Variants in AKAP10 observed in about 807,000 individuals in gnomAD.
AKAP10 encodes the protein A-kinase anchoring protein 10.
In AKAP10, 24 loss-of-function variants were observed where a neutral mutation model predicts 80.8. The observed-to-expected ratio is 0.30, with a 90% CI of 0.22 to 0.42. The LOEUF is 0.42. Among genes scored for constraint, AKAP10 ranks in the 10% least tolerant of loss-of-function variants. The pLI is 1.00. For missense variants in AKAP10, 661 were observed against 794.9 expected, an observed-to-expected ratio of 0.83 and a Z score of 2.03; for synonymous variants, 291 against 277.7, an observed-to-expected ratio of 1.05 and a Z score of -0.48.
chr17:19,938,368 C>T (rs1490551220), intron 8 of AKAP10, among the ~76,000 whole-genome samples: 1 of 152,006 alleles, frequency 6.6e-6, no homozygotes, highest in East Asian at 1.9e-4. Flanking sequence ...TCCTGAGTAG[C>T]TGGGATTACA....
At chr17:19,953,159 A>G (rs2043234869) in intron 4 of AKAP10, among the ~76,000 whole-genome samples, 3 of 152,154 alleles carry the variant, frequency 2.0e-5, no homozygotes, top group Admixed American at 2.0e-4. Flanking sequence ...ATATTTCTAA[A>G]TAATTCATTG....
At chr17:19,944,717 C>T (rs2043085321) in intron 5 of AKAP10, among the ~76,000 whole-genome samples, 1 of 152,078 alleles carries the variant, frequency 6.6e-6, no homozygotes, top group African/African-American at 2.4e-5. Flanking sequence ...CCTCTCATAC[C>T]ACTCACTTCC....
chr17:19,938,125 C>T (rs555337146), intron 8 of AKAP10, among the ~76,000 whole-genome samples: 1 of 152,062 alleles, frequency 6.6e-6, no homozygotes, highest in African/African-American at 2.4e-5. Flanking sequence ...CAAGGTTTCA[C>T]TATGTTGGCC....
chr17:19,956,631 A>G (rs2043278634), intron 4 of AKAP10, among the ~76,000 whole-genome samples: 2 of 152,134 alleles, frequency 1.3e-5, no homozygotes, highest in South Asian at 2.1e-4. Flanking sequence ...GGCTCAAGCA[A>G]TCTTCTCACC....
chr17:19,941,100 G>C (rs898286003), intron 6 of AKAP10, 90 bp from the exon 7 acceptor site: 1 of 1,370,448 alleles, frequency 7.3e-7, no homozygotes, highest in Non-Finnish European at 9.8e-7. Flanking sequence ...TGTCCCTATT[G>C]TATCTTAAAG....
chr17:19,910,117 T>A, intron 12 of AKAP10, 139 bp from the exon 13 acceptor site: 1 of 711,920 alleles, frequency 1.4e-6, no homozygotes, highest in Non-Finnish European at 2.3e-6. Flanking sequence ...CACCTGAGGT[T>A]AAGAGTTCAA....
At chr17:19,964,085 G>A (rs1235076418) in intron 2 of AKAP10, among the ~76,000 whole-genome samples, 2 of 151,904 alleles carry the variant, frequency 1.3e-5, no homozygotes, top group Admixed American at 6.6e-5. Flanking sequence ...GTTAAAAGAA[G>A]GTTTATTTTT....
At chr17:19,955,174 A>C (rs964978829) in intron 4 of AKAP10, among the ~76,000 whole-genome samples, 1 of 151,934 alleles carries the variant, frequency 6.6e-6, no homozygotes, top group African/African-American at 2.4e-5. Flanking sequence ...GTGAGCCGAG[A>C]TTGCCTCACT....
intron 10 of AKAP10, among the ~76,000 whole-genome samples, chr17:19,927,856 G>C (rs1946651439): frequency 6.6e-6 from 1 of 151,816 alleles, no homozygotes; most frequent in African/African-American, 2.4e-5. Context: ...GTTGCAGTGA[G>C]CCAAGATTGT....
chr17:19,938,227 C>G (rs2152414008), intron 8 of AKAP10, among the ~76,000 whole-genome samples: 2 of 121,694 alleles, frequency 1.6e-5, no homozygotes, highest in South Asian at 6.0e-4. Flanking sequence ...GGTACCCAGA[C>G]TGAAAACCTA....
chr17:19,974,309 G>A (rs2043537386), intron 1 of AKAP10, among the ~76,000 whole-genome samples: 1 of 152,196 alleles, frequency 6.6e-6, no homozygotes, highest in East Asian at 1.9e-4. Flanking sequence ...GGTATCTACT[G>A]GATTAAGCTT....
intron 13 of AKAP10, among the ~76,000 whole-genome samples, chr17:19,909,588 C>G (rs2042667931): frequency 6.6e-6 from 1 of 152,190 alleles, no homozygotes; most frequent in South Asian, 2.1e-4. Context: ...AAAAAGCAAG[C>G]CTCCACTACT....
chr17:19,907,879 T>C (rs1175498983), intron 14 of AKAP10, among the ~76,000 whole-genome samples: 1 of 152,100 alleles, frequency 6.6e-6, no homozygotes, highest in Non-Finnish European at 1.5e-5. Flanking sequence ...TTTTTTTTTT[T>C]TGAGCCTGAG....
chr17:19,972,142 A>G (rs2043506047), intron 1 of AKAP10, among the ~76,000 whole-genome samples: 1 of 152,232 alleles, frequency 6.6e-6, no homozygotes, highest in Non-Finnish European at 1.5e-5. Context: ...TTTTAATGAA[A>G]GTGACTGTAC....
chr17:19,946,203 TTTTA>T (rs1329768017), intron 5 of AKAP10, among the ~76,000 whole-genome samples: 14 of 46,216 alleles, frequency 3.0e-4, no homozygotes, highest in South Asian at 5.4e-4. Flanking sequence ...AATACATATA[TTTTA>T]TATATATATA....
At chr17:19,939,665 C>G (rs763476082) in intron 8 of AKAP10, 48 bp downstream of exon 8, 3 of 1,580,426 alleles carry the variant, frequency 1.9e-6, no homozygotes, top group East Asian at 2.3e-5. Context: ...CAAAACATAT[C>G]AAATGTTCAA....
intron 4 of AKAP10, among the ~76,000 whole-genome samples, chr17:19,956,554 A>T (rs2043277780): frequency 6.6e-6 from 1 of 152,322 alleles, no homozygotes; most frequent in African/African-American, 2.4e-5. Context: ...TAAAAAATTC[A>T]ATAACTTTTT....
At chr17:19,968,288 A>G (rs1012540971) in intron 2 of AKAP10, 126 bp downstream of exon 2, 5 of 680,846 alleles carry the variant, frequency 7.3e-6, no homozygotes, top group Middle Eastern at 2.5e-4. Flanking sequence ...AATCAAAATC[A>G]TAAGTAATTA....
intron 11 of AKAP10, among the ~76,000 whole-genome samples, chr17:19,923,234 C>G (rs1315695342): frequency 1.3e-5 from 2 of 151,502 alleles, no homozygotes; most frequent in Admixed American, 1.3e-4. Context: ...CACGCCACCA[C>G]GCCCGGCTAA....
Sources: allele counts gnomAD v4.1 joint callset (sites outside exome capture counted in the v4.1 genomes callset), GRCh38; gene constraint gnomAD v4.1.1; transcripts MANE v1.5; gene names NCBI Gene and HGNC (gene_info 2026-07-23, HGNC 2026-07-21).